The following PPP2R3A variants were observed in gnomAD, a reference collection of about 807,000 sequenced individuals.
PPP2R3A encodes the protein serine/threonine-protein phosphatase 2A regulatory subunit B'' subunit alpha.
Under a neutral mutation model 106.9 loss-of-function variants are expected in PPP2R3A, and 80 were observed. The observed-to-expected ratio is 0.75, with a 90% CI of 0.62 to 0.90. The LOEUF is 0.90. Ranked by LOEUF, PPP2R3A falls within the 40% of genes least tolerant of loss-of-function variation. The pLI, the probability that PPP2R3A is intolerant of heterozygous loss-of-function variation, is 0.00. For synonymous variants in PPP2R3A, 483 were observed against 468.3 expected (o/e 1.03, Z -0.41); for missense variants, 1,386 against 1,350.4 (o/e 1.03, Z -0.41).
chr3:136,127,682 A>G (rs1393700164), intron 13 of PPP2R3A, among the ~76,000 whole-genome samples: 4 of 152,138 alleles, frequency 2.6e-5, no homozygotes, highest in South Asian at 2.1e-4. Flanking sequence ...GATACTCCTC[A>G]AGAAGAGCAA....
At chr3:136,085,600 A>G (rs1235650742) in intron 8 of PPP2R3A, among the ~76,000 whole-genome samples, 2 of 152,056 alleles carry the variant, frequency 1.3e-5, no homozygotes, top group African/African-American at 2.4e-5. Context: ...TTAACTAAGC[A>G]CTAAGATACA....
chr3:136,022,003 G>A (rs1386877913), intron 2 of PPP2R3A, among the ~76,000 whole-genome samples: 3 of 151,926 alleles, frequency 2.0e-5, no homozygotes, highest in Non-Finnish European at 4.4e-5. Context: ...GGAGGGTCCT[G>A]GAACCAATCC....
chr3:136,064,877 C>G (rs1936210565), intron 5 of PPP2R3A, among the ~76,000 whole-genome samples: 1 of 151,986 alleles, frequency 6.6e-6, no homozygotes, highest in Admixed American at 6.5e-5. Flanking sequence ...ATCAAAATAT[C>G]ACAAAAACAT....
intron 13 of PPP2R3A, among the ~76,000 whole-genome samples, chr3:136,133,786 A>G (rs545790858): frequency 9.4e-5 from 14 of 149,680 alleles, no homozygotes; most frequent in Non-Finnish European, 1.8e-4. Flanking sequence ...GTATATATAT[A>G]TATTTTTAAA....
At chr3:136,065,629 A>T (rs1302718675) in intron 5 of PPP2R3A, among the ~76,000 whole-genome samples, 5 of 152,220 alleles carry the variant, frequency 3.3e-5, no homozygotes, top group African/African-American at 1.2e-4. Flanking sequence ...ATTAACAAAA[A>T]CCAACAGCTG....
chr3:136,022,262 T>C (rs1024188897), intron 2 of PPP2R3A, among the ~76,000 whole-genome samples: 3 of 152,198 alleles, frequency 2.0e-5, no homozygotes, highest in Non-Finnish European at 4.4e-5. Flanking sequence ...TCAGTTGTTC[T>C]ACTTTCTTAA....
chr3:136,008,401 T>C (rs887890402), intron 2 of PPP2R3A, among the ~76,000 whole-genome samples: 1 of 152,188 alleles, frequency 6.6e-6, no homozygotes, highest in Admixed American at 6.5e-5. Flanking sequence ...AGTAAACACA[T>C]CTGCCTGGTG....
At chr3:136,087,247 CTCT>C (rs1936967110) in intron 8 of PPP2R3A, among the ~76,000 whole-genome samples, 3 of 64,308 alleles carry the variant, frequency 4.7e-5, no homozygotes, top group African/African-American at 9.6e-5. Flanking sequence ...CTAGTCGTGT[CTCT>C]CTCTCTCTCT....
intron 2 of PPP2R3A, among the ~76,000 whole-genome samples, chr3:136,015,934 CT>C (rs1347731525): frequency 2.0e-5 from 3 of 152,002 alleles, no homozygotes; most frequent in Non-Finnish European, 2.9e-5. Flanking sequence ...GTCTTTCAGA[CT>C]TTTTGATGCA....
chr3:136,000,601 A>T (rs1933582688), intron 1 of PPP2R3A, among the ~76,000 whole-genome samples: 3 of 152,162 alleles, frequency 2.0e-5, no homozygotes, highest in Admixed American at 2.0e-4. Flanking sequence ...GTAGTCTTTG[A>T]GAAGACTAGG....
At chr3:136,087,515 T>C (rs1204830926) in intron 8 of PPP2R3A, 3 of 164,920 alleles carry the variant, frequency 1.8e-5, no homozygotes, top group African/African-American at 7.2e-5. Flanking sequence ...TTACATTGTT[T>C]TAGGAGCTTA....
At chr3:136,128,207 A>G (rs1264777138) in intron 13 of PPP2R3A, among the ~76,000 whole-genome samples, 1 of 152,214 alleles carries the variant, frequency 6.6e-6, no homozygotes, top group Non-Finnish European at 1.5e-5. Flanking sequence ...CAATTAAAAG[A>G]CACAGACTGG....
At chr3:135,975,382 G>A (rs1937389731) in intron 1 of PPP2R3A, among the ~76,000 whole-genome samples, 1 of 152,186 alleles carries the variant, frequency 6.6e-6, no homozygotes, top group African/African-American at 2.4e-5. Flanking sequence ...AGGCCTTTAT[G>A]TGGGCCCTCT....
chr3:136,100,829 A>G (rs1315844564), intron 10 of PPP2R3A, among the ~76,000 whole-genome samples: 6 of 152,182 alleles, frequency 3.9e-5, no homozygotes, highest in Admixed American at 3.9e-4. Context: ...CCCCATCTCT[A>G]AAGTTAAAAC....
intron 1 of PPP2R3A, among the ~76,000 whole-genome samples, chr3:135,999,950 C>G (rs1933555789): frequency 1.3e-5 from 2 of 151,916 alleles, no homozygotes. Context: ...TCCTTGCTTT[C>G]TCTGCTCCAC....
chr3:136,055,227 T>TA (rs1559892510), intron 5 of PPP2R3A: 25 of 779,820 alleles, frequency 3.2e-5, no homozygotes, highest in Non-Finnish European at 2.2e-6. Context: ...AAGCCAGACA[T>TA]ACTTTCTATC....
chr3:135,966,520 G>T (rs923790478), intron 1 of PPP2R3A, among the ~76,000 whole-genome samples: 1 of 152,194 alleles, frequency 6.6e-6, no homozygotes, highest in Admixed American at 6.5e-5. Flanking sequence ...CCGCCGCGGA[G>T]GGGCGTTCTC....
At position 136,003,087 on chromosome 3, in the gene PPP2R3A, CA is replaced by C; in HGVS notation, c.1590del (p.Ala532ArgfsTer9). The stretch of plus-strand genomic sequence containing the variant: ...AAGATGGAGACCTCTCTAAGAGAGC[CA>C]CTTGCGAAGGGTAAAAACTCTAATT... The part of the protein sequence containing the change: ...SQKMETSLRE[P>X]LAKGKNSNFL... On this transcript the variant is annotated frameshift_variant, in exon 2 of 14. Transcript: ENST00000264977. LOFTEE classifies it high-confidence loss of function. 1 of 1,610,816 alleles carries C rather than the reference CA, an allele frequency of 6.2e-7. No individual in the cohort carries two copies. The highest frequency in any genetic ancestry group is 8.5e-7 in the Non-Finnish European group (1 of 1,179,222).
chr3:136,008,267 T>C (rs1459910870), intron 2 of PPP2R3A, among the ~76,000 whole-genome samples: 2 of 152,226 alleles, frequency 1.3e-5, no homozygotes, highest in Admixed American at 6.5e-5. Context: ...CTTCCCTGGC[T>C]TTGTAGGTGC....
Sources: allele counts gnomAD v4.1 joint callset (sites outside exome capture counted in the v4.1 genomes callset), GRCh38; gene constraint gnomAD v4.1.1; transcripts MANE v1.5; gene names NCBI Gene and HGNC (gene_info 2026-07-23, HGNC 2026-07-21).